A1CF: variants seen among roughly 807,000 people sequenced by gnomAD.
The protein encoded by A1CF is APOBEC-1 stimulating protein.
A1CF carries 48 observed loss-of-function variants against 68.9 expected under a neutral mutation model. That is an observed-to-expected ratio of 0.70 (90% confidence interval 0.55 to 0.89). The LOEUF is 0.89. Ranked by LOEUF, A1CF falls within the 40% of genes least tolerant of loss-of-function variation. The probability of loss-of-function intolerance (pLI) is 0.00; values close to 1 mark genes in which losing one functional copy is unlikely to be tolerated. For missense variants in A1CF, 653 were observed against 718.9 expected (o/e 0.91, Z 1.05); for synonymous variants, 272 against 260.4 (o/e 1.04, Z -0.43).
chr10:50,840,078 A>T (rs748062542), intron 5 of A1CF, among the ~76,000 whole-genome samples: 6 of 152,156 alleles, frequency 3.9e-5, no homozygotes, highest in Non-Finnish European at 5.9e-5. Flanking sequence ...TAGTTAATTG[A>T]TTTACAGACT....
In A1CF at chr10:50,854,039, C is replaced by T. The variant is rs368247477; in HGVS notation, c.99+5803G>A. On this transcript the variant is annotated intron_variant, in intron 3 of 12. Transcript: ENST00000373997. ...GTCTAGTGAACCTAGGGACCTATCA[C>T]CCAAATTTAATAATAAAGTTTTTTT... Among the ~76,000 whole-genome samples the T allele has an allele frequency of 2.9e-4, 44 of 151,952 alleles. No individual in the cohort carries two copies. The East Asian group carries it at 7.5e-3, about 26-fold the overall frequency.
intron 8 of A1CF, among the ~76,000 whole-genome samples, chr10:50,819,059 C>T (rs1020426990): frequency 5.3e-5 from 8 of 152,164 alleles, no homozygotes; most frequent in Non-Finnish European, 1.2e-4. Context: ...TCTGCTGGAC[C>T]CGTCTTTGAG....
At position 50,800,981 on chromosome 10, in the gene A1CF, A is replaced by C. The variant is rs1016613257; in HGVS notation, c.*5748T>G. ...TAGAAGTAACTCAACTCAAGGAAGAAAGAAACCAATAAATGCTCTAATACC... is the reference window on the plus strand; with the variant it reads ...TAGAAGTAACTCAACTCAAGGAAGACAGAAACCAATAAATGCTCTAATACC... On this transcript the variant is annotated 3_prime_UTR_variant, in exon 13 of 13. Coordinates refer to ENST00000373997, the MANE Select transcript of A1CF (RefSeq NM_014576.4). 1 of 152,180 alleles carries C rather than the reference A, an allele frequency of 6.6e-6. No homozygotes were observed. The highest frequency in any genetic ancestry group is 2.4e-5 in the African/African-American group (1 of 41,448). 9.4% of individuals were successfully genotyped at this position (152,180 alleles called of 1,614,324 possible).
At chr10:50,827,147 C>T (rs543199088) in intron 7 of A1CF, among the ~76,000 whole-genome samples, 142 of 152,002 alleles carry the variant, frequency 9.3e-4, no homozygotes, top group African/African-American at 3.1e-3. Flanking sequence ...TCCTTAGAGA[C>T]CTACAAAGAG....
At chr10:50,871,709 G>A (rs888293739) in intron 1 of A1CF, among the ~76,000 whole-genome samples, 1 of 151,770 alleles carries the variant, frequency 6.6e-6, no homozygotes, top group Non-Finnish European at 1.5e-5. Flanking sequence ...ATTCATAGGG[G>A]GATCATAAAC....
intron 5 of A1CF, among the ~76,000 whole-genome samples, chr10:50,840,043 A>T (rs1262241251): frequency 6.6e-6 from 1 of 152,190 alleles, no homozygotes; most frequent in African/African-American, 2.4e-5. Flanking sequence ...TGTCCGGCCC[A>T]GGAATTTTTA....
At chr10:50,835,447 A>T (rs1000550908) in intron 6 of A1CF, among the ~76,000 whole-genome samples, 1 of 152,142 alleles carries the variant, frequency 6.6e-6, no homozygotes, top group Non-Finnish European at 1.5e-5. Flanking sequence ...AATGTTTTAG[A>T]ATGAGCCAAG....
In A1CF at chr10:50,816,183, T is replaced by C; in HGVS notation, c.964A>G (p.Met322Val). The change falls in exon 9 of 13, where the codon ATG becomes GTG. Residue 322 changes from methionine (M) to valine (V), a missense_variant. Transcript: ENST00000373997. ...YTRGTGGRGTMLQGEYTYSLG... is the reference protein window; with the variant it reads ...YTRGTGGRGTVLQGEYTYSLG... ...GAGTAGGTATACTCTCCTTGCAGCATGGTGCCCCTTCCACCTGTGCCTCGG... is the reference window on the plus strand; with the variant it reads ...GAGTAGGTATACTCTCCTTGCAGCACGGTGCCCCTTCCACCTGTGCCTCGG... 2 of 1,613,818 alleles carry C rather than the reference T, an allele frequency of 1.2e-6. No homozygotes were observed. The highest frequency in any genetic ancestry group is 1.7e-6 in the Non-Finnish European group (2 of 1,179,870).
intron 3 of A1CF, among the ~76,000 whole-genome samples, chr10:50,853,254 A>G (rs1013240228): frequency 6.6e-6 from 1 of 152,172 alleles, no homozygotes; most frequent in Non-Finnish European, 1.5e-5. Flanking sequence ...TAATGTCTTC[A>G]CTACCCAAAA....
rs1837616773 is a variant in A1CF at position 50,801,953 on chromosome 10, A to C, written c.*4776T>G. On this transcript the variant is annotated 3_prime_UTR_variant, in exon 13 of 13. Transcript: ENST00000373997. ...CTCCCACAAATGAGCCTACATATAC[A>C]TTGCTATCTATATTAAACCTATGCA... The C allele has an allele frequency of 6.6e-6, 1 of 152,194 alleles. No individual in the cohort carries two copies. Among genetic ancestry groups the C allele is most frequent in the African/African-American group, 2.4e-5 (1 of 41,442 alleles). The allele number at this position is 152,194 out of a possible 1,614,324, so 9.4% of individuals were successfully genotyped here.
intron 1 of A1CF, among the ~76,000 whole-genome samples, chr10:50,866,400 G>A (rs1463000439): frequency 6.6e-6 from 1 of 152,160 alleles, no homozygotes; most frequent in Non-Finnish European, 1.5e-5. Flanking sequence ...AGGCAGAGAG[G>A]GATTGGAATG....
At position 50,844,055 on chromosome 10, in the gene A1CF, C is replaced by G. The variant is rs1322334309; in HGVS notation, c.167G>C (p.Cys56Ser). Residue 56 changes from cysteine (C) to serine (S), a missense_variant, in exon 4 of 13, where the codon TGT becomes TCT. Coordinates refer to ENST00000373997, the MANE Select transcript of A1CF (RefSeq NM_014576.4). ...GGGAAGTTTTCCAATAAAAATTTCA[C>G]AGCCCCTTTCAGGGGGTGCAGCATC... ...GWDAAPPERG[C>S]EIFIGKLPRD... The G allele has an allele frequency of 6.2e-7, 1 of 1,613,828 alleles. No individual in the cohort carries two copies. The highest frequency in any genetic ancestry group is 1.7e-5 in the Admixed American group (1 of 59,966).
At chr10:50,847,595 A>T (rs1184355342) in intron 3 of A1CF, among the ~76,000 whole-genome samples, 1 of 152,192 alleles carries the variant, frequency 6.6e-6, no homozygotes, top group Non-Finnish European at 1.5e-5. Context: ...AATTTTGGCC[A>T]CTGAGCGTTT....
chr10:50,876,706 T>C (rs1841530896), intron 1 of A1CF, among the ~76,000 whole-genome samples: 1 of 152,190 alleles, frequency 6.6e-6, no homozygotes, highest in Non-Finnish European at 1.5e-5. Context: ...GCTGGAACTA[T>C]GCATGGGCTC....
At chr10:50,866,288 T>C (rs1338672815) in intron 1 of A1CF, among the ~76,000 whole-genome samples, 1 of 152,250 alleles carries the variant, frequency 6.6e-6, no homozygotes, top group East Asian at 1.9e-4. Context: ...TATACACTTT[T>C]CTATCTCTTT....
At position 50,857,083 on chromosome 10, in the gene A1CF, T is replaced by C. The variant is rs546939377; in HGVS notation, c.99+2759A>G. On this transcript the variant is annotated intron_variant, in intron 3 of 12. Coordinates refer to ENST00000373997, the MANE Select transcript of A1CF (RefSeq NM_014576.4). ...TCTTCATAGCTTTAACAATAATGTG[T>C]TACAATTGTCCTTCAGATTTTTTTA... Among the ~76,000 whole-genome samples the C allele has an allele frequency of 2.0e-5, 3 of 152,242 alleles. No individual in the cohort carries two copies. In the South Asian group the frequency reaches 6.2e-4, roughly 32 times the overall value.
At position 50,801,393 on chromosome 10, in the gene A1CF, G is replaced by GGTGT. The variant is rs148220589; in HGVS notation, c.*5332_*5335dup. 1 of 151,408 alleles carries GGTGT rather than the reference G, an allele frequency of 6.6e-6. No individual in the cohort carries two copies. Among genetic ancestry groups the GGTGT allele is most frequent in the East Asian group, 1.9e-4 (1 of 5,180 alleles). 9.4% of individuals were successfully genotyped at this position (151,408 alleles called of 1,614,324 possible). A position where few individuals can be genotyped will look rare whatever the true frequency, so the allele number is the denominator to read the frequency against. On this transcript the variant is annotated 3_prime_UTR_variant, in exon 13 of 13. Coordinates refer to ENST00000373997, the MANE Select transcript of A1CF (RefSeq NM_014576.4). ...CAACAACAACCCATAAAGATGGTGGGGTGTGTGTGTGTGTGTTGGGGGCAG... is the reference window on the plus strand; with the variant it reads ...CAACAACAACCCATAAAGATGGTGGGGTGTGTGTGTGTGTGTGTGTTGGGGGCAG...
chr10:50,801,214 T>C lies in A1CF; in HGVS notation c.*5515A>G, dbSNP rs1162928672. The C allele has an allele frequency of 6.6e-6, 1 of 152,194 alleles. No homozygotes were observed. The highest frequency in any genetic ancestry group is 2.4e-5 in the African/African-American group (1 of 41,418). 9.4% of individuals were successfully genotyped at this position (152,194 alleles called of 1,614,324 possible). Reference sequence around the variant, plus strand: ...GAGAGATAGTTGGACAGAAAGTGGATTGATGGAGATTTCAGAGGAGGAAGT... The same window carrying C: ...GAGAGATAGTTGGACAGAAAGTGGACTGATGGAGATTTCAGAGGAGGAAGT... On this transcript the variant is annotated 3_prime_UTR_variant, in exon 13 of 13. Transcript: ENST00000373997.
chr10:50,823,011 T>C (rs1403337985), intron 7 of A1CF: 1 of 152,180 alleles, frequency 6.6e-6, no homozygotes, highest in African/African-American at 2.4e-5. Context: ...AATAAGGGAA[T>C]ATTATCAGTT....
Sources: allele counts gnomAD v4.1 joint callset (sites outside exome capture counted in the v4.1 genomes callset), GRCh38; gene constraint gnomAD v4.1.1; transcripts MANE v1.5; gene names NCBI Gene and HGNC (gene_info 2026-07-23, HGNC 2026-07-21).